EPN2: variants seen among roughly 807,000 people sequenced by gnomAD.
The protein encoded by EPN2 is epsin 2, also known as epsin-2.
A neutral mutation model predicts 61.7 loss-of-function variants in EPN2; 34 were observed. The observed-to-expected ratio is 0.55, with a 90% CI of 0.42 to 0.73. The LOEUF (loss-of-function observed/expected upper bound fraction) is 0.73, where lower values mean the gene tolerates loss of function less well. Among genes scored for constraint, EPN2 ranks in the 30% least tolerant of loss-of-function variants. The probability of loss-of-function intolerance (pLI) is 0.00; values close to 1 mark genes in which losing one functional copy is unlikely to be tolerated. For synonymous variants in EPN2, 349 were observed against 353.6 expected (o/e 0.99, Z 0.15); for missense variants, 714 against 839.2 (o/e 0.85, Z 1.84).
chr17:19,247,269 G>A (rs1455393653), intron 1 of EPN2, among the ~76,000 whole-genome samples: 2 of 152,262 alleles, frequency 1.3e-5, no homozygotes, highest in African/African-American at 4.8e-5. Flanking sequence ...TATGGAACAC[G>A]TGATCTAGAG....
intron 4 of EPN2, among the ~76,000 whole-genome samples, chr17:19,286,856 T>C (rs2045409827): frequency 6.6e-6 from 1 of 152,186 alleles, no homozygotes; most frequent in Admixed American, 6.5e-5. Context: ...CTGTAAAGAA[T>C]GTAAATGATA....
At chr17:19,248,983 C>T (rs2044982938) in intron 1 of EPN2, among the ~76,000 whole-genome samples, 3 of 152,198 alleles carry the variant, frequency 2.0e-5, no homozygotes, top group Non-Finnish European at 2.9e-5. Flanking sequence ...CTGCATTATG[C>T]AGAGGCCTGA....
At chr17:19,278,973 G>T (rs2045335097) in intron 1 of EPN2, among the ~76,000 whole-genome samples, 1 of 152,172 alleles carries the variant, frequency 6.6e-6, no homozygotes, top group Non-Finnish European at 1.5e-5. Context: ...TTCGAAAGCT[G>T]CTCCTGTCTA....
chr17:19,268,057 T>C (rs2045217530), intron 1 of EPN2, among the ~76,000 whole-genome samples: 5 of 152,238 alleles, frequency 3.3e-5, no homozygotes, highest in African/African-American at 1.2e-4. Flanking sequence ...CATTCCCAGC[T>C]ACCTTAGTGG....
chr17:19,329,697 C>A, intron 9 of EPN2, 50 bp downstream of exon 9: 1 of 1,087,070 alleles, frequency 9.2e-7, no homozygotes, highest in Non-Finnish European at 1.4e-6. Flanking sequence ...ATTTGACCAG[C>A]TGAGTTATTG....
intron 2 of EPN2, 80 bp from the exon 3 acceptor site, chr17:19,282,870 C>G: frequency 2.2e-6 from 1 of 447,366 alleles, no homozygotes; most frequent in South Asian, 3.3e-5. Context: ...CAGTTTTACC[C>G]AGTACCTGCT....
chr17:19,333,105 G>A (rs981484856), intron 10 of EPN2, among the ~76,000 whole-genome samples: 2 of 152,202 alleles, frequency 1.3e-5, no homozygotes, highest in African/African-American at 4.8e-5. Context: ...TTCCCTGGGT[G>A]GAACTAGATT....
At chr17:19,312,636 C>G (rs1201293593) in intron 6 of EPN2, among the ~76,000 whole-genome samples, 2 of 152,228 alleles carry the variant, frequency 1.3e-5, no homozygotes, top group African/African-American at 4.8e-5. Context: ...TTGGCCTCCT[C>G]TGTTACAGTG....
intron 1 of EPN2, among the ~76,000 whole-genome samples, chr17:19,262,569 T>C (rs995709963): frequency 6.6e-6 from 1 of 152,170 alleles, no homozygotes; most frequent in Non-Finnish European, 1.5e-5. Flanking sequence ...CATAATCTTA[T>C]TTTAGAACAT....
intron 7 of EPN2, among the ~76,000 whole-genome samples, chr17:19,315,103 CT>C (rs1386679365): frequency 6.6e-6 from 1 of 152,160 alleles, no homozygotes; most frequent in Non-Finnish European, 1.5e-5. Flanking sequence ...AACACTTTAC[CT>C]TTTTATATTG....
In EPN2 at chr17:19,313,527, C is replaced by G. The variant is rs538172742; in HGVS notation, c.1147+248C>G. On this transcript the variant is annotated intron_variant, in intron 7 of 10. Coordinates refer to ENST00000314728, the MANE Select transcript of EPN2 (RefSeq NM_014964.5). ...AGGAAAGTCAACCTCCCCTCAACCT[C>G]CCATTTGCATCAGAAATGGCTTGTG... is the stretch of plus-strand genomic sequence containing the variant. 6 of 410,584 alleles carry G rather than the reference C, an allele frequency of 1.5e-5. No homozygotes were observed. The South Asian group carries it at 4.9e-4, about 34-fold the overall frequency. The allele number at this position is 410,584 out of a possible 1,614,324, so 25.4% of individuals were successfully genotyped here.
intron 7 of EPN2, among the ~76,000 whole-genome samples, chr17:19,321,751 AG>A (rs1361416361): frequency 7.9e-5 from 12 of 152,138 alleles, no homozygotes; most frequent in Non-Finnish European, 5.9e-5. Flanking sequence ...ATGGGCAGTG[AG>A]GAAGGCATGT....
chr17:19,301,587 T>C (rs1024722567), intron 4 of EPN2, among the ~76,000 whole-genome samples: 2 of 152,168 alleles, frequency 1.3e-5, no homozygotes, highest in African/African-American at 4.8e-5. Flanking sequence ...CACTTAAGAC[T>C]CTCCAAAGCA....
chr17:19,316,947 C>T (rs2152234296), intron 7 of EPN2, among the ~76,000 whole-genome samples: 1 of 152,238 alleles, frequency 6.6e-6, no homozygotes, highest in East Asian at 1.9e-4. Flanking sequence ...CGTGTTAGCA[C>T]ACCCTCTGCT....
chr17:19,289,465 T>C (rs2045438980), intron 4 of EPN2, among the ~76,000 whole-genome samples: 1 of 152,138 alleles, frequency 6.6e-6, no homozygotes, highest in East Asian at 1.9e-4. Context: ...AGGATGACTC[T>C]GAGGGCTGGG....
At chr17:19,293,531 C>T (rs895870156) in intron 4 of EPN2, among the ~76,000 whole-genome samples, 3 of 137,352 alleles carry the variant, frequency 2.2e-5, no homozygotes, top group Non-Finnish European at 3.1e-5. Context: ...CCACCATACC[C>T]AGCTTTTTTT....
At chr17:19,309,532 GCTATA>G (rs1163944152) in intron 4 of EPN2, among the ~76,000 whole-genome samples, 1 of 152,172 alleles carries the variant, frequency 6.6e-6, no homozygotes, top group Non-Finnish European at 1.5e-5. Context: ...CTGTTCAAGA[GCTATA>G]CTTTGGGTCT....
At chr17:19,329,717 T>C in intron 9 of EPN2, 70 bp downstream of exon 9, 1 of 953,576 alleles carries the variant, frequency 1.0e-6, no homozygotes, top group Non-Finnish European at 1.7e-6. Context: ...GCAGAAATAA[T>C]AATCAGCTTT....
At chr17:19,280,992 A>G (rs1409910124) in intron 1 of EPN2, among the ~76,000 whole-genome samples, 1 of 152,188 alleles carries the variant, frequency 6.6e-6, no homozygotes, top group African/African-American at 2.4e-5. Context: ...CCTATTTATT[A>G]TAAAGGATAT....
Sources: allele counts gnomAD v4.1 joint callset (sites outside exome capture counted in the v4.1 genomes callset), GRCh38; gene constraint gnomAD v4.1.1; transcripts MANE v1.5; gene names NCBI Gene and HGNC (gene_info 2026-07-23, HGNC 2026-07-21).